The following GSTM2 variants were observed in gnomAD, a reference collection of about 807,000 sequenced individuals.
GSTM2 encodes the protein glutathione S-transferase mu 2, also known as GST class-mu 2.
GSTM2 carries 33 observed loss-of-function variants against 33.3 expected under a neutral mutation model. The ratio of observed to expected loss-of-function variants is 0.99; its 90% confidence interval spans 0.75 to 1.33. The LOEUF (loss-of-function observed/expected upper bound fraction) is 1.33, where lower values mean the gene tolerates loss of function less well. Ranked by LOEUF, GSTM2 falls within the 40% of genes most tolerant of loss-of-function variation. The probability of loss-of-function intolerance (pLI) is 0.00; values close to 1 mark genes in which losing one functional copy is unlikely to be tolerated. For synonymous variants in GSTM2, 93 were observed against 95.6 expected (o/e 0.97, Z 0.16); for missense variants, 213 against 265.8 (o/e 0.80, Z 1.38).
intron 7 of GSTM2, among the ~76,000 whole-genome samples, chr1:109,672,235 G>A (rs112284179): frequency 0.011 from 1,718 of 152,050 alleles, 31 homozygotes; most frequent in African/African-American, 0.039. Flanking sequence ...AGCCAAGATC[G>A]TGCCATTGCA....
chr1:109,674,840 C>T lies in GSTM2; in HGVS notation c.*4C>T, dbSNP rs1333551462. The T allele has an allele frequency of 1.2e-6, 2 of 1,614,020 alleles. No homozygotes were observed. The highest frequency in any genetic ancestry group is 1.7e-6 in the Non-Finnish European group (2 of 1,180,022). Reference sequence around the variant, plus strand: ...GGCTGTCTGGGGCAACAAGTAGGGCCTTGAAGGCCAGGAGGTGGGAGTGAG... The same window carrying T: ...GGCTGTCTGGGGCAACAAGTAGGGCTTTGAAGGCCAGGAGGTGGGAGTGAG... On this transcript the variant is annotated 3_prime_UTR_variant, in exon 8 of 8. Transcript: ENST00000241337.
chr1:109,668,936 G>A lies in GSTM2; in HGVS notation c.124G>A (p.Asp42Asn), dbSNP rs368017907. ...KYTMGDAPDYDRSQWLNEKFK... is the reference protein window; with the variant it reads ...KYTMGDAPDYNRSQWLNEKFK... The stretch of plus-strand genomic sequence containing the variant: ...CTTCCCCACCACAGCTCCTGATTAT[G>A]ACAGAAGCCAGTGGCTGAATGAAAA... Residue 42 changes from aspartate to asparagine, a missense_variant, in exon 3 of 8, where the codon GAC (aspartate) becomes AAC (asparagine). Coordinates refer to ENST00000241337, the MANE Select transcript of GSTM2 (RefSeq NM_000848.4). The A allele has an allele frequency of 3.1e-5, 50 of 1,612,242 alleles. No individual in the cohort carries two copies. The highest frequency in any genetic ancestry group is 1.7e-6 in the Non-Finnish European group (2 of 1,179,856).
chr1:109,672,796 C>A (rs193135165), intron 7 of GSTM2, among the ~76,000 whole-genome samples: 9 of 151,830 alleles, frequency 5.9e-5, no homozygotes, highest in Admixed American at 1.3e-4. Context: ...GATTAAGGTA[C>A]ATATGTGGGT....
downstream of GSTM2, among the ~76,000 whole-genome samples, chr1:109,678,775 A>C (rs1331857180): frequency 1.3e-5 from 2 of 151,830 alleles, no homozygotes; most frequent in Admixed American, 6.6e-5. Context: ...AAAAAAAAAA[A>C]CAAACTGTAT....
intron 5 of GSTM2, chr1:109,670,567 C>T (rs547146948): frequency 6.6e-6 from 1 of 152,400 alleles, no homozygotes; most frequent in South Asian, 2.1e-4. Context: ...TGAATTCACT[C>T]TCTAGACAGT....
At chr1:109,675,565 G>A (rs879829115), downstream of GSTM2, among the ~76,000 whole-genome samples, 1 of 145,514 alleles carries the variant, frequency 6.9e-6, no homozygotes, top group Non-Finnish European at 1.5e-5. Flanking sequence ...TAATTGCACA[G>A]AGCTTGTGTC....
chr1:109,677,280 A>G (rs2101261191), downstream of GSTM2, among the ~76,000 whole-genome samples: 1 of 152,316 alleles, frequency 6.6e-6, no homozygotes, highest in East Asian at 1.9e-4. Context: ...ACCTACATCT[A>G]CCCAGGACCC....
In GSTM2 at chr1:109,668,667, G is replaced by A. The variant is rs1201653087; in HGVS notation, c.112+167G>A. The stretch of plus-strand genomic sequence containing the variant: ...GCTCCTTGCAAGGCAGAATGCTGGG[G>A]CGGGATGCTGGGCCCCCGTCTGGGT... On this transcript the variant is annotated intron_variant, in intron 2 of 7. Coordinates refer to ENST00000241337, the MANE Select transcript of GSTM2 (RefSeq NM_000848.4). The A allele has an allele frequency of 3.4e-6, 3 of 876,766 alleles. No individual in the cohort carries two copies. The African/African-American group carries it at 5.0e-5, about 15-fold the overall frequency. The allele number at this position is 876,766 out of a possible 1,614,324, so 54.3% of individuals were successfully genotyped here. A position where few individuals can be genotyped will look rare whatever the true frequency, so the allele number is the denominator to read the frequency against.
chr1:109,671,287 G>A lies in GSTM2; in HGVS notation c.361G>A (p.Glu121Lys), dbSNP rs548917973. ...TGTTGACAGCTGTTTTCTGCCTCAG[G>A]AGAAACTGAAACCAGAATACCTGCA... ...LAKLCYDPDF[E>K]KLKPEYLQAL... is the part of the protein sequence containing the mutation. Residue 121 changes from glutamate to lysine, a missense_variant and splice_region_variant, in exon 6 of 8, where the codon GAG becomes AAG. By Grantham distance (56) the Glu-to-Lys change is moderately conservative (BLOSUM62 1). Coordinates refer to ENST00000241337, the MANE Select transcript of GSTM2 (RefSeq NM_000848.4). The A allele has an allele frequency of 6.2e-7, 1 of 1,611,020 alleles. No homozygotes were observed. Among genetic ancestry groups the A allele is most frequent in the South Asian group, 1.1e-5 (1 of 91,008 alleles).
chr1:109,677,621 G>A (rs1392421409), downstream of GSTM2, among the ~76,000 whole-genome samples: 1 of 152,192 alleles, frequency 6.6e-6, no homozygotes, highest in Non-Finnish European at 1.5e-5. Context: ...TGGTATCAGA[G>A]GTCAGATGAT....
At chr1:109,670,526 T>G (rs1349194578) in intron 5 of GSTM2, 1 of 152,126 alleles carries the variant, frequency 6.6e-6, no homozygotes, top group Non-Finnish European at 1.5e-5. Context: ...TCCCCACCAA[T>G]CTACTTATAG....
At chr1:109,676,981 T>C (rs763514852), downstream of GSTM2, among the ~76,000 whole-genome samples, 1 of 152,108 alleles carries the variant, frequency 6.6e-6, no homozygotes, top group Non-Finnish European at 1.5e-5. Context: ...AAAGGTCTCT[T>C]CTCCAAAAAC....
intron 7 of GSTM2, among the ~76,000 whole-genome samples, chr1:109,673,712 C>T (rs1255286459): frequency 6.6e-6 from 1 of 152,192 alleles, no homozygotes; most frequent in Non-Finnish European, 1.5e-5. Context: ...CAATTCTCTG[C>T]CTCAGCCTAC....
intron 7 of GSTM2, among the ~76,000 whole-genome samples, chr1:109,674,105 T>C (rs1204633175): frequency 2.6e-5 from 4 of 152,180 alleles, no homozygotes; most frequent in African/African-American, 4.8e-5. Flanking sequence ...GCACTGCCAC[T>C]CCCCATTCCA....
downstream of GSTM2, among the ~76,000 whole-genome samples, chr1:109,679,958 C>T (rs952442005): frequency 6.6e-6 from 1 of 152,168 alleles, no homozygotes; most frequent in African/African-American, 2.4e-5. Context: ...CATTTGATAT[C>T]TCTGACTGGG....
chr1:109,669,351 T>C lies in GSTM2; in HGVS notation c.239T>C (p.Ile80Thr), dbSNP rs1647445394. 1.9e-6 allele frequency: 3 copies of C among 1,614,106 alleles called. No individual in the cohort carries two copies. The highest frequency in any genetic ancestry group is 1.3e-5 in the African/African-American group (1 of 74,948). Residue 80 changes from isoleucine (I) to threonine (T), a missense_variant, in exon 4 of 8, where the codon ATT (isoleucine) becomes ACT (threonine). Physicochemically the swap from Ile to Thr is moderately conservative, Grantham distance 89. Coordinates refer to ENST00000241337, the MANE Select transcript of GSTM2 (RefSeq NM_000848.4). The part of the protein sequence containing the change: ...ITQSNAILRY[I>T]ARKHNLCGES... ...CAGAGCAACGCCATCCTGCGGTACA[T>C]TGCCCGCAAGCACAACCTGTGTGAG...
In GSTM2 at chr1:109,671,604, T is replaced by A. The variant is rs747573818; in HGVS notation, c.567+21T>A. 2.2e-5 allele frequency: 25 copies of A among 1,129,852 alleles called. No individual in the cohort carries two copies. In the Admixed American group the frequency reaches 4.0e-4, roughly 18 times the overall value. 70.0% of individuals were successfully genotyped at this position (1,129,852 alleles called of 1,614,324 possible). ...TTGAGGTGATGCCCCCAGCCTCCTTTCTCTTTATGTCTCTTATTCCTTTCC... is the reference window on the plus strand; with the variant it reads ...TTGAGGTGATGCCCCCAGCCTCCTTACTCTTTATGTCTCTTATTCCTTTCC... On this transcript the variant is annotated intron_variant, in intron 7 of 7. Transcript: ENST00000241337.
chr1:109,669,043 G>A lies in GSTM2; in HGVS notation c.177+54G>A, dbSNP rs1315048631. 7.7e-6 allele frequency: 12 copies of A among 1,566,566 alleles called. No homozygotes were observed. In the East Asian group the frequency reaches 2.0e-4, roughly 26 times the overall value. On this transcript the variant is annotated intron_variant, in intron 3 of 7. Transcript: ENST00000241337. The stretch of plus-strand genomic sequence containing the variant: ...GGGAAAGTGCGACGTGTCTCTGACT[G>A]CATCTCCTCTCCCCAGCTTAGAGGT...
downstream of GSTM2, among the ~76,000 whole-genome samples, chr1:109,676,421 G>A (rs1195802996): frequency 4.6e-5 from 7 of 152,018 alleles, no homozygotes; most frequent in Non-Finnish European, 4.4e-5. Context: ...GTGTGATCTC[G>A]TCTCACTGCA....
Sources: gnomAD v4.1 joint callset for allele counts (sites outside exome capture counted in the v4.1 genomes callset) on GRCh38, gnomAD v4.1.1 for gene constraint, MANE v1.5 for transcripts, NCBI Gene and HGNC (gene_info 2026-07-23, HGNC 2026-07-21) for gene names.